PTPN3: variants seen among roughly 807,000 people sequenced by gnomAD.
The protein encoded by PTPN3 is protein tyrosine phosphatase non-receptor type 3.
A neutral mutation model predicts 132.7 loss-of-function variants in PTPN3; 96 were observed. The ratio of observed to expected loss-of-function variants is 0.72; its 90% confidence interval spans 0.61 to 0.86. PTPN3 has a LOEUF of 0.86. PTPN3 is among the 40% of genes least tolerant of loss of function. The pLI, the probability that PTPN3 is intolerant of heterozygous loss-of-function variation, is 0.00. For missense variants in PTPN3, 1,125 were observed against 1,159.6 expected, an observed-to-expected ratio of 0.97 and a Z score of 0.43; for synonymous variants, 398 against 429.0, an observed-to-expected ratio of 0.93 and a Z score of 0.89.
At chr9:109,426,424 T>A (rs896855137) in intron 12 of PTPN3, among the ~76,000 whole-genome samples, 42 of 152,296 alleles carry the variant, frequency 2.8e-4, no homozygotes, top group Admixed American at 2.6e-3. Context: ...GAGTCAAATA[T>A]AATTATGTGC....
rs971414046 is a variant in PTPN3, at chr9:109,423,695, G to T, written c.1002-843C>A. ...CTTTTGAATTTTATTTATACCTAGA[G>T]AATTTAAATCTTAGCTATCTAGACC... On this transcript the variant is annotated intron_variant, in intron 12 of 25. Coordinates refer to ENST00000374541, the MANE Select transcript of PTPN3 (RefSeq NM_002829.4). 2.6e-5 allele frequency among the ~76,000 whole-genome samples: 4 copies of T among 152,144 alleles called. No individual in the cohort carries two copies. The South Asian group carries it at 8.3e-4, about 32-fold the overall frequency.
At position 109,438,166 on chromosome 9, in the gene PTPN3, C is replaced by A; in HGVS notation, c.535G>T (p.Asp179Tyr). The A allele has an allele frequency of 6.2e-7, 1 of 1,613,562 alleles. No homozygotes were observed. The highest frequency in any genetic ancestry group is 8.5e-7 in the Non-Finnish European group (1 of 1,179,692). Residue 179 changes from aspartate to tyrosine, a missense_variant, in exon 8 of 26, where the codon GAT (aspartate) becomes TAT (tyrosine). Coordinates refer to ENST00000374541, the MANE Select transcript of PTPN3 (RefSeq NM_002829.4). Reference protein sequence around the residue: ...GYLSDSHFIPDQNEDFLTKVE... With the variant: ...GYLSDSHFIPYQNEDFLTKVE... ...TTTGTTAAAAAGTCCTCATTTTGAT[C>A]GGGTATAAAGTGACTATCGGAAAGA...
intron 1 of PTPN3, among the ~76,000 whole-genome samples, chr9:109,479,210 C>T (rs575878183): frequency 3.3e-4 from 51 of 152,300 alleles, no homozygotes; most frequent in Non-Finnish European, 6.2e-4. Flanking sequence ...CCTCCAACTC[C>T]TGGCCACCTC....
chr9:109,401,607 T>C (rs959140400), intron 19 of PTPN3, among the ~76,000 whole-genome samples: 1 of 152,224 alleles, frequency 6.6e-6, no homozygotes, highest in African/African-American at 2.4e-5. Flanking sequence ...ACACCAGCCT[T>C]TGGCTTTTCC....
chr9:109,481,883 C>T (rs1011600402), intron 1 of PTPN3, among the ~76,000 whole-genome samples: 9 of 152,176 alleles, frequency 5.9e-5, no homozygotes, highest in Non-Finnish European at 1.2e-4. Context: ...ACTTCTGGAC[C>T]CATAGGCTGT....
chr9:109,415,003 T>C (rs1029913364), intron 14 of PTPN3, among the ~76,000 whole-genome samples: 4 of 148,074 alleles, frequency 2.7e-5, no homozygotes, highest in African/African-American at 1.0e-4. Flanking sequence ...CGGGGCCCCA[T>C]CTAGTTTCAT....
At chr9:109,481,937 A>G in intron 1 of PTPN3, among the ~76,000 whole-genome samples, 1 of 152,206 alleles carries the variant, frequency 6.6e-6, no homozygotes, top group East Asian at 1.9e-4. Context: ...GGGCTGGGAC[A>G]TTGTGTACAG....
chr9:109,479,086 T>A (rs1307586146), intron 1 of PTPN3, among the ~76,000 whole-genome samples: 1 of 152,140 alleles, frequency 6.6e-6, no homozygotes, highest in Non-Finnish European at 1.5e-5. Context: ...TACAATTCAG[T>A]GGCTTTAATT....
At chr9:109,390,701 A>G (rs549375043) in intron 21 of PTPN3, among the ~76,000 whole-genome samples, 98 of 152,316 alleles carry the variant, frequency 6.4e-4, no homozygotes, top group African/African-American at 2.3e-3. Flanking sequence ...TTTTCCCATA[A>G]CATGTGAAAC....
intron 21 of PTPN3, among the ~76,000 whole-genome samples, chr9:109,390,836 A>G (rs1338298207): frequency 1.3e-5 from 2 of 152,172 alleles, no homozygotes; most frequent in Non-Finnish European, 2.9e-5. Flanking sequence ...GCAAAAACAA[A>G]CACCTGAATG....
At chr9:109,410,521 G>T in intron 14 of PTPN3, 106 bp from the exon 15 acceptor site, 1 of 1,264,040 alleles carries the variant, frequency 7.9e-7, no homozygotes, top group South Asian at 1.4e-5. Context: ...ATGTTTCCCT[G>T]GAACCTCAGC....
chr9:109,534,297 G>T, the PTPN3 span: 2 of 1,532,680 alleles, frequency 1.3e-6, no homozygotes, highest in South Asian at 2.3e-5. Flanking sequence ...AGCGGCAAGC[G>T]GCGGGCGGCT....
chr9:109,409,950 G>C (rs1355627632), intron 16 of PTPN3, 49 bp downstream of exon 16: 1 of 1,597,502 alleles, frequency 6.3e-7, no homozygotes, highest in East Asian at 2.3e-5. Context: ...AAAACTCATT[G>C]AAAGATTGCT....
Position 109,391,190 on chromosome 9 carries a change from G to A in PTPN3, c.2054C>T (p.Thr685Ile). ...RYKDVLPYDT[T>I]RVLLQGNEDY... ...TTCATTTCCCTGCAATAATACCCGG[G>A]TGGTGTCATCTGCGGGGAAGAGAAA... The change falls in exon 21 of 26, where the codon ACC becomes ATC. Residue 685 changes from threonine to isoleucine, a missense_variant. By Grantham distance (89) the Thr-to-Ile change is moderately conservative. Transcript: ENST00000374541. The A allele has an allele frequency of 6.2e-7, 1 of 1,613,204 alleles. No homozygotes were observed. The highest frequency in any genetic ancestry group is 8.5e-7 in the Non-Finnish European group (1 of 1,179,504).
intron 5 of PTPN3, chr9:109,450,856 G>A: frequency 1.0e-6 from 1 of 985,338 alleles, no homozygotes; most frequent in Non-Finnish European, 1.2e-6. Context: ...TGACCTCTCT[G>A]CCTAGATCCT....
chr9:109,440,689 G>T (rs1844400074), intron 7 of PTPN3, among the ~76,000 whole-genome samples: 1 of 152,188 alleles, frequency 6.6e-6, no homozygotes, highest in Admixed American at 6.5e-5. Flanking sequence ...AGCTCATGGA[G>T]ATCCTCCTGG....
the PTPN3 span, chr9:109,533,585 G>A: frequency 1.3e-6 from 2 of 1,584,938 alleles, no homozygotes; most frequent in Non-Finnish European, 1.7e-6. Flanking sequence ...TTGGCGAGGA[G>A]GGCCCCTGCG....
chr9:109,462,377 G>T (rs564878151), intron 2 of PTPN3, among the ~76,000 whole-genome samples: 11 of 152,188 alleles, frequency 7.2e-5, no homozygotes, highest in Non-Finnish European at 1.3e-4. Flanking sequence ...ACTTGTATGG[G>T]GTGTGCGGAA....
At chr9:109,396,956 G>A (rs569312319) in intron 19 of PTPN3, among the ~76,000 whole-genome samples, 83 of 152,268 alleles carry the variant, frequency 5.5e-4, no homozygotes, top group African/African-American at 1.6e-3. Flanking sequence ...TCTAACCAGC[G>A]GATGCTGGCA....
Sources: allele counts gnomAD v4.1 joint callset (sites outside exome capture counted in the v4.1 genomes callset), GRCh38; gene constraint gnomAD v4.1.1; transcripts MANE v1.5; gene names NCBI Gene and HGNC (gene_info 2026-07-23, HGNC 2026-07-21).